Variants in F13A1 observed in about 807,000 individuals in gnomAD.
F13A1 encodes the protein FSF, A subunit.
A neutral mutation model predicts 80.1 loss-of-function variants in F13A1; 47 were observed. That is an observed-to-expected ratio of 0.59 (90% CI 0.46 to 0.75). The LOEUF (loss-of-function observed/expected upper bound fraction) is 0.75, where lower values mean the gene tolerates loss of function less well. F13A1 is among the 30% of genes least tolerant of loss of function. The pLI is 0.00. For synonymous variants in F13A1, 349 were observed against 344.9 expected, an observed-to-expected ratio of 1.01 and a Z score of -0.13; for missense variants, 817 against 930.4, an observed-to-expected ratio of 0.88 and a Z score of 1.59.
intron 3 of F13A1, among the ~76,000 whole-genome samples, chr6:6,280,144 A>T (rs533264657): frequency 6.6e-6 from 1 of 152,364 alleles, no homozygotes; most frequent in East Asian, 1.9e-4. Context: ...TTTACAATAC[A>T]TACTCAATAA....
intron 10 of F13A1, among the ~76,000 whole-genome samples, chr6:6,191,016 A>T (rs1315402981): frequency 2.0e-5 from 3 of 152,158 alleles, no homozygotes; most frequent in Non-Finnish European, 4.4e-5. Context: ...CCTTTCTTTG[A>T]CTAGGAAAGG....
intron 8 of F13A1, among the ~76,000 whole-genome samples, chr6:6,211,876 G>A (rs1247752593): frequency 6.6e-6 from 1 of 152,238 alleles, no homozygotes; most frequent in Non-Finnish European, 1.5e-5. Context: ...GAAGCGCAAG[G>A]GGTCAGGGAG....
At chr6:6,285,095 A>G (rs908891584) in intron 3 of F13A1, among the ~76,000 whole-genome samples, 1 of 151,738 alleles carries the variant, frequency 6.6e-6, no homozygotes, top group Non-Finnish European at 1.5e-5. Flanking sequence ...AATACAAAAA[A>G]TAAATTAGCT....
At chr6:6,163,697 T>A (rs1424110786) in intron 13 of F13A1, among the ~76,000 whole-genome samples, 1 of 152,194 alleles carries the variant, frequency 6.6e-6, no homozygotes, top group Admixed American at 6.5e-5. Flanking sequence ...TATGGCTGCA[T>A]TGTGTCCAGT....
In F13A1 at chr6:6,238,692, T is replaced by A. The variant is rs12215151; in HGVS notation, c.798+9620A>T. Among the ~76,000 whole-genome samples the A allele has an allele frequency of 1.6e-3, 221 of 140,632 alleles. 1 individual carries two copies. Among genetic ancestry groups the A allele is most frequent in the Non-Finnish European group, 1.8e-3 (118 of 66,750 alleles). 92.3% of individuals were successfully genotyped at this position (140,632 alleles called of 152,430 possible). On this transcript the variant is annotated intron_variant, in intron 6 of 14. Transcript: ENST00000264870. ...AAGTACAAATGACTGAATAAGAAAA[T>A]CAGTAGACTTGAAAACATGCTGCAT...
At chr6:6,222,736 C>T (rs531481029) in intron 7 of F13A1, among the ~76,000 whole-genome samples, 39 of 152,318 alleles carry the variant, frequency 2.6e-4, no homozygotes, top group African/African-American at 8.9e-4. Flanking sequence ...TCCCAGGACA[C>T]CAGACATCAG....
intron 4 of F13A1, among the ~76,000 whole-genome samples, chr6:6,261,348 G>T (rs1757778625): frequency 6.6e-6 from 1 of 151,992 alleles, no homozygotes; most frequent in African/African-American, 2.4e-5. Context: ...TCGAACTCCT[G>T]GGCCCAAGCA....
intron 14 of F13A1, among the ~76,000 whole-genome samples, chr6:6,150,836 T>C (rs559396164): frequency 6.6e-6 from 1 of 152,056 alleles, no homozygotes; most frequent in East Asian, 1.9e-4. Context: ...TAGTGACAAA[T>C]TGGAATGTGT....
intron 13 of F13A1, among the ~76,000 whole-genome samples, chr6:6,153,168 T>C (rs191355978): frequency 7.9e-5 from 12 of 152,222 alleles, no homozygotes; most frequent in African/African-American, 2.9e-4. Context: ...ACTGGATGTC[T>C]GGATCTTCCA....
At chr6:6,319,063 T>C (rs759026302) in intron 1 of F13A1, among the ~76,000 whole-genome samples, 1 of 152,238 alleles carries the variant, frequency 6.6e-6, no homozygotes, top group Admixed American at 6.5e-5. Context: ...CTATGTTCAT[T>C]TCATACAGAT....
intron 3 of F13A1, among the ~76,000 whole-genome samples, chr6:6,294,781 A>C (rs996885461): frequency 6.6e-6 from 1 of 151,340 alleles, no homozygotes; most frequent in Non-Finnish European, 1.5e-5. Context: ...TTTAGGGTAC[A>C]TGTGCACAAT....
At chr6:6,193,377 A>G (rs916490022) in intron 10 of F13A1, among the ~76,000 whole-genome samples, 1 of 152,194 alleles carries the variant, frequency 6.6e-6, no homozygotes, top group African/African-American at 2.4e-5. Flanking sequence ...AGGCGAGCTG[A>G]TGCAGCAAGG....
At chr6:6,246,665 A>AT (rs1404397457) in intron 6 of F13A1, among the ~76,000 whole-genome samples, 1 of 152,216 alleles carries the variant, frequency 6.6e-6, no homozygotes, top group African/African-American at 2.4e-5. Context: ...TTATTCAATA[A>AT]TTAACAGCTT....
intron 8 of F13A1, among the ~76,000 whole-genome samples, chr6:6,217,140 AC>A (rs1434848934): frequency 1.3e-5 from 2 of 149,224 alleles, no homozygotes; most frequent in Non-Finnish European, 3.0e-5. Context: ...GGGATCTAGA[AC>A]CAGAAATACC....
At position 6,192,138 on chromosome 6, in the gene F13A1, T is replaced by A. The variant is rs908207116; in HGVS notation, c.1305+3659A>T. 2.0e-5 allele frequency among the ~76,000 whole-genome samples: 3 copies of A among 152,072 alleles called. No individual in the cohort carries two copies. The South Asian group carries it at 6.2e-4, about 32-fold the overall frequency. On this transcript the variant is annotated intron_variant, in intron 10 of 14. Coordinates refer to ENST00000264870, the MANE Select transcript of F13A1 (RefSeq NM_000129.4). ...TGTGGATGCTTTCTGAAGAGAAAAA[T>A]CTCAGTATGGCTGGAGGGAAATAAA...
At position 6,151,965 on chromosome 6, in the gene F13A1, C is replaced by A. The variant is rs374030645; in HGVS notation, c.1909-16G>T. On this transcript the variant is annotated splice_polypyrimidine_tract_variant and intron_variant, in intron 13 of 14. Coordinates refer to ENST00000264870, the MANE Select transcript of F13A1 (RefSeq NM_000129.4). ...TGCCACGGACCTAAGAGAGAGAATGCAGGTCATTAGCACCAAATAAAACCT... is the reference window on the plus strand; with the variant it reads ...TGCCACGGACCTAAGAGAGAGAATGAAGGTCATTAGCACCAAATAAAACCT... 8.1e-6 allele frequency: 13 copies of A among 1,613,598 alleles called. No individual in the cohort carries two copies. Among genetic ancestry groups the A allele is most frequent in the Non-Finnish European group, 9.3e-6 (11 of 1,179,802 alleles).
intron 2 of F13A1, among the ~76,000 whole-genome samples, chr6:6,315,007 T>C (rs1758658768): frequency 6.6e-6 from 1 of 152,232 alleles, no homozygotes; most frequent in African/African-American, 2.4e-5. Flanking sequence ...TAAGACCCCA[T>C]TAGCCTGAAA....
chr6:6,211,579 A>C (rs1761610560), intron 8 of F13A1, among the ~76,000 whole-genome samples: 1 of 152,256 alleles, frequency 6.6e-6, no homozygotes, highest in Admixed American at 6.5e-5. Flanking sequence ...CAGTGATTAA[A>C]ATTGAAGATA....
At chr6:6,211,280 T>C (rs1761603543) in intron 8 of F13A1, among the ~76,000 whole-genome samples, 1 of 152,258 alleles carries the variant, frequency 6.6e-6, no homozygotes, top group African/African-American at 2.4e-5. Flanking sequence ...ATAATGTTTT[T>C]TCCAACACTA....
Sources: allele counts gnomAD v4.1 joint callset (sites outside exome capture counted in the v4.1 genomes callset), GRCh38; gene constraint gnomAD v4.1.1; transcripts MANE v1.5; gene names NCBI Gene and HGNC (gene_info 2026-07-23, HGNC 2026-07-21).